Variants in LRRC4C observed in about 807,000 individuals in gnomAD.
LRRC4C encodes leucine rich repeat containing 4C.
Under a neutral mutation model 33.6 loss-of-function variants are expected in LRRC4C, and 5 were observed. The observed-to-expected ratio is 0.15, with a 90% CI of 0.08 to 0.31. The LOEUF is 0.31. Among genes scored for constraint, LRRC4C ranks in the 10% least tolerant of loss-of-function variants. The pLI is 1.00. For synonymous variants in LRRC4C, 329 were observed against 302.0 expected (o/e 1.09, Z -0.93); for missense variants, 560 against 796.7 (o/e 0.70, Z 3.58).
chr11:40,717,485 T>C (rs1172179362), intron 2 of LRRC4C, among the ~76,000 whole-genome samples: 1 of 152,176 alleles, frequency 6.6e-6, no homozygotes, highest in Non-Finnish European at 1.5e-5. Context: ...TTACACTTTC[T>C]TTTTGGTACT....
At position 40,939,787 on chromosome 11, in the gene LRRC4C, G is replaced by A. The variant is rs117857445; in HGVS notation, c.-495-6064C>T. Among the ~76,000 whole-genome samples the A allele has an allele frequency of 1.0e-3, 157 of 152,236 alleles. 3 individuals carry two copies. The East Asian group carries it at 0.029, about 28-fold the overall frequency. On this transcript the variant is annotated intron_variant, in intron 1 of 6. Coordinates refer to ENST00000528697, the MANE Select transcript of LRRC4C (RefSeq NM_001258419.2). ...AAATGTTTCCAGTATACAGTGTGTTGCAGAAAATAATTTGGAAACAGTCCA... is the reference window on the plus strand; with the variant it reads ...AAATGTTTCCAGTATACAGTGTGTTACAGAAAATAATTTGGAAACAGTCCA...
intron 1 of LRRC4C, among the ~76,000 whole-genome samples, chr11:41,194,322 A>G (rs191511837): frequency 1.3e-5 from 2 of 152,162 alleles, no homozygotes; most frequent in African/African-American, 2.4e-5. Context: ...TCTAACCCCT[A>G]TATTGTTCAA....
chr11:40,654,124 C>T (rs938783221), intron 2 of LRRC4C, among the ~76,000 whole-genome samples: 4 of 152,170 alleles, frequency 2.6e-5, no homozygotes, highest in African/African-American at 9.7e-5. Context: ...GGGCATAGCC[C>T]TCATAGAGAA....
At chr11:40,808,227 T>C (rs1187101928) in intron 2 of LRRC4C, among the ~76,000 whole-genome samples, 1 of 151,806 alleles carries the variant, frequency 6.6e-6, no homozygotes, top group African/African-American at 2.4e-5. Context: ...ACTGTTTCCA[T>C]TATTATGACT....
At chr11:40,243,022 C>T (rs1393998931) in intron 4 of LRRC4C, among the ~76,000 whole-genome samples, 1 of 152,128 alleles carries the variant, frequency 6.6e-6, no homozygotes, top group African/African-American at 2.4e-5. Context: ...ACATTTCTTG[C>T]TTTCTGCAAC....
At chr11:40,478,442 G>A (rs1268805525) in intron 3 of LRRC4C, among the ~76,000 whole-genome samples, 6 of 152,140 alleles carry the variant, frequency 3.9e-5, no homozygotes, top group Non-Finnish European at 8.8e-5. Flanking sequence ...CTTCTGTCAT[G>A]CAATTGAGTT....
At chr11:41,277,730 T>C (rs1949528548) in intron 1 of LRRC4C, among the ~76,000 whole-genome samples, 1 of 152,150 alleles carries the variant, frequency 6.6e-6, no homozygotes, top group Admixed American at 6.6e-5. Context: ...ATTATGTTAG[T>C]CGTTTTCAGA....
At chr11:41,214,573 T>TAAAAAAAAAA (rs1946958889) in intron 1 of LRRC4C, among the ~76,000 whole-genome samples, 1 of 19,384 alleles carries the variant, frequency 5.2e-5, no homozygotes, top group African/African-American at 2.8e-4. Context: ...CTACTAAAAA[T>TAAAAAAAAAA]ACAAAAAAAA....
rs1306524454 is a variant in LRRC4C at position 40,633,345 on chromosome 11, CTTTCTTTCTTTCTTTCTTTCTT to C, written c.-270+14775_-270+14796del. On this transcript the variant is annotated intron_variant, in intron 3 of 6. Transcript: ENST00000528697. Reference sequence around the variant, plus strand: ...TTTCTTTTTCTTTCTTTCTTTCTTTCTTTCTTTCTTTCTTTCTTTCTTTCTTTCTCTCTCTTTCTTTCTTTCT... The same window carrying C: ...TTTCTTTTTCTTTCTTTCTTTCTTTCTCTTTCTCTCTCTTTCTTTCTTTCT... Among the ~76,000 whole-genome samples, 91 of 39,130 alleles carry C rather than the reference CTTTCTTTCTTTCTTTCTTTCTT, an allele frequency of 2.3e-3. 1 individual carries two copies. Among genetic ancestry groups the C allele is most frequent in the South Asian group, 5.9e-3 (7 of 1,178 alleles). 25.7% of individuals were successfully genotyped at this position (39,130 alleles called of 152,430 possible). A position where few individuals can be genotyped will look rare whatever the true frequency, so the allele number is the denominator to read the frequency against.
At chr11:40,808,754 T>A (rs1474333349) in intron 2 of LRRC4C, among the ~76,000 whole-genome samples, 1 of 152,154 alleles carries the variant, frequency 6.6e-6, no homozygotes, top group African/African-American at 2.4e-5. Context: ...TCATCAAATT[T>A]CCAAAGTCTC....
chr11:41,212,250 C>T (rs971294524), intron 1 of LRRC4C, among the ~76,000 whole-genome samples: 7 of 152,142 alleles, frequency 4.6e-5, no homozygotes, highest in Admixed American at 6.5e-5. Context: ...TTTGAAAATA[C>T]GTGTAAAGAA....
At chr11:41,410,178 C>A (rs2138203633) in intron 1 of LRRC4C, among the ~76,000 whole-genome samples, 1 of 152,246 alleles carries the variant, frequency 6.6e-6, no homozygotes, top group South Asian at 2.1e-4. Context: ...ATGCCAGATC[C>A]AGTCTAGGGT....
At chr11:41,215,442 C>G (rs576276353) in intron 1 of LRRC4C, among the ~76,000 whole-genome samples, 2 of 138,094 alleles carry the variant, frequency 1.4e-5, no homozygotes, top group Admixed American at 1.5e-4. Flanking sequence ...GAGCTGAGAT[C>G]ATACCACTGC....
chr11:40,706,756 G>A (rs1006620479), intron 2 of LRRC4C, among the ~76,000 whole-genome samples: 7 of 152,280 alleles, frequency 4.6e-5, no homozygotes, highest in African/African-American at 7.2e-5. Flanking sequence ...AAAGTCATTG[G>A]TAGCTTGATG....
chr11:41,102,754 G>A (rs559522495), intron 1 of LRRC4C, among the ~76,000 whole-genome samples: 9 of 152,086 alleles, frequency 5.9e-5, no homozygotes, highest in South Asian at 2.1e-4. Flanking sequence ...TTTAAACAAC[G>A]CTGTGCTCAT....
intron 2 of LRRC4C, among the ~76,000 whole-genome samples, chr11:40,875,812 C>T (rs1443798487): frequency 6.6e-6 from 1 of 152,070 alleles, no homozygotes; most frequent in African/African-American, 2.4e-5. Flanking sequence ...TTGTGATGCA[C>T]TTTATTTCTA....
intron 2 of LRRC4C, among the ~76,000 whole-genome samples, chr11:40,854,680 G>GTTTTAATT (rs1307119126): frequency 6.6e-6 from 1 of 150,876 alleles, no homozygotes; most frequent in Non-Finnish European, 1.5e-5. Context: ...TTAAAAATAT[G>GTTTTAATT]TTTGTGTAAT....
intron 2 of LRRC4C, among the ~76,000 whole-genome samples, chr11:40,700,161 G>C (rs528254619): frequency 1.3e-5 from 2 of 152,198 alleles, no homozygotes; most frequent in South Asian, 4.1e-4. Context: ...GTACAGCTGT[G>C]TCTAACGCCA....
chr11:40,654,698 G>T (rs1425485273), intron 2 of LRRC4C, among the ~76,000 whole-genome samples: 3 of 152,180 alleles, frequency 2.0e-5, no homozygotes, highest in African/African-American at 7.2e-5. Flanking sequence ...TTGGGGGACT[G>T]TTGGAAGGGC....
Sources: allele counts gnomAD v4.1 joint callset (sites outside exome capture counted in the v4.1 genomes callset), GRCh38; gene constraint gnomAD v4.1.1; transcripts MANE v1.5; gene names NCBI Gene and HGNC (gene_info 2026-07-23, HGNC 2026-07-21).